The following NECTIN3 variants were observed in gnomAD, a reference collection of about 807,000 sequenced individuals.
NECTIN3 encodes the protein nectin cell adhesion molecule 3.
A neutral mutation model predicts 49.4 loss-of-function variants in NECTIN3; 8 were observed. The observed-to-expected ratio is 0.16, with a 90% CI of 0.10 to 0.29. NECTIN3 has a LOEUF of 0.29. NECTIN3 is among the 10% of genes least tolerant of loss of function. The pLI is 1.00. For synonymous variants in NECTIN3, 277 were observed against 241.1 expected, an observed-to-expected ratio of 1.15 and a Z score of -1.38; for missense variants, 581 against 654.6, an observed-to-expected ratio of 0.89 and a Z score of 1.23.
chr3:111,183,439 G>A (rs1172036143), intron 7 of NECTIN3, among the ~76,000 whole-genome samples: 2 of 151,748 alleles, frequency 1.3e-5, no homozygotes, highest in Non-Finnish European at 2.9e-5. Context: ...AGCCTCTCAA[G>A]TAGCTGGGGT....
intron 1 of NECTIN3, among the ~76,000 whole-genome samples, chr3:111,102,043 C>T (rs577429104): frequency 6.6e-6 from 1 of 152,132 alleles, no homozygotes; most frequent in African/African-American, 2.4e-5. Context: ...TGATACTGTC[C>T]CTTATAATTT....
rs570670978 is a variant in NECTIN3 at position 111,123,499 on chromosome 3, G to A, written c.917+1261G>A. On this transcript the variant is annotated intron_variant, in intron 4 of 5. Transcript: ENST00000485303. ...AGGTAGAGATGTGATTATTTTCCTG[G>A]AGAGGCTCCAGATACCACTAATAGA... 8.5e-5 allele frequency among the ~76,000 whole-genome samples: 13 copies of A among 152,198 alleles called. No individual in the cohort carries two copies. In the East Asian group the frequency reaches 9.7e-4, roughly 11 times the overall value.
intron 5 of NECTIN3, among the ~76,000 whole-genome samples, chr3:111,144,677 A>G (rs866973594): frequency 7.2e-5 from 11 of 152,018 alleles, no homozygotes; most frequent in African/African-American, 2.7e-4. Flanking sequence ...GGATATTTAC[A>G]TAATTTTTAA....
At chr3:111,075,651 T>G (rs1171796957) in intron 1 of NECTIN3, among the ~76,000 whole-genome samples, 2 of 152,184 alleles carry the variant, frequency 1.3e-5, no homozygotes, top group African/African-American at 2.4e-5. Context: ...GTATTTGTAC[T>G]TTACATCTAT....
intron 7 of NECTIN3, among the ~76,000 whole-genome samples, chr3:111,177,130 T>C (rs1559819844): frequency 6.6e-6 from 1 of 152,126 alleles, no homozygotes. Context: ...AGCTTTGAAA[T>C]TACTTATGGT....
intron 1 of NECTIN3, among the ~76,000 whole-genome samples, chr3:111,096,479 A>G (rs1364458440): frequency 6.6e-6 from 1 of 152,216 alleles, no homozygotes; most frequent in Non-Finnish European, 1.5e-5. Flanking sequence ...TGCATAAGTA[A>G]TGAGGAGCCA....
At chr3:111,169,236 C>A (rs1483100416) in intron 7 of NECTIN3, among the ~76,000 whole-genome samples, 3 of 151,436 alleles carry the variant, frequency 2.0e-5, no homozygotes, top group African/African-American at 7.3e-5. Context: ...ACTACAGGCG[C>A]CTGCCACCAC....
chr3:111,130,333 C>G (rs537256954), intron 5 of NECTIN3, among the ~76,000 whole-genome samples: 2 of 151,270 alleles, frequency 1.3e-5, no homozygotes, highest in African/African-American at 2.4e-5. Context: ...AGCATACTAT[C>G]CTGAGATTAG....
In NECTIN3 at chr3:111,137,111, A is replaced by C. The variant is rs2034606319; in HGVS notation, c.*2896A>C. On this transcript the variant is annotated 3_prime_UTR_variant, in exon 6 of 6. Coordinates refer to ENST00000485303, the MANE Select transcript of NECTIN3 (RefSeq NM_015480.3). ...AGGAGTACAGTGTATAAGTACAGAAATTGAGAGAAATGTAGTCATTTTATA... is the reference window on the plus strand; with the variant it reads ...AGGAGTACAGTGTATAAGTACAGAACTTGAGAGAAATGTAGTCATTTTATA... 1 of 979,768 alleles carries C rather than the reference A, an allele frequency of 1.0e-6. No homozygotes were observed. The highest frequency in any genetic ancestry group is 1.2e-6 in the Non-Finnish European group (1 of 824,930). 60.7% of individuals were successfully genotyped at this position (979,768 alleles called of 1,614,324 possible).
intron 1 of NECTIN3, among the ~76,000 whole-genome samples, chr3:111,082,636 T>C (rs1256024986): frequency 3.3e-5 from 5 of 152,130 alleles, no homozygotes; most frequent in African/African-American, 9.7e-5. Context: ...GTCTCCAACT[T>C]TTTTGGCACC....
intron 7 of NECTIN3, among the ~76,000 whole-genome samples, chr3:111,153,298 T>C (rs1306265595): frequency 6.6e-6 from 1 of 151,862 alleles, no homozygotes; most frequent in African/African-American, 2.4e-5. Flanking sequence ...TTGGATAAAA[T>C]AATGATTTAT....
intron 1 of NECTIN3, among the ~76,000 whole-genome samples, chr3:111,100,455 G>A (rs891674074): frequency 2.0e-5 from 3 of 152,070 alleles, no homozygotes; most frequent in Non-Finnish European, 4.4e-5. Flanking sequence ...CAAGCTATAT[G>A]TATAAGGTGT....
intron 1 of NECTIN3, chr3:111,193,484 C>G: frequency 8.0e-7 from 1 of 1,246,062 alleles, no homozygotes; most frequent in East Asian, 2.5e-5. Flanking sequence ...AAGAACAGTC[C>G]CACTCTAAGG....
chr3:111,175,183 T>C (rs1178551989), intron 7 of NECTIN3, among the ~76,000 whole-genome samples: 1 of 151,740 alleles, frequency 6.6e-6, no homozygotes, highest in African/African-American at 2.4e-5. Flanking sequence ...CCGCCATCCA[T>C]CTGCTTGTCC....
At chr3:111,090,848 G>A (rs2032224913) in intron 1 of NECTIN3, among the ~76,000 whole-genome samples, 2 of 140,312 alleles carry the variant, frequency 1.4e-5, no homozygotes, top group Non-Finnish European at 3.1e-5. Flanking sequence ...TGTGGTTTTT[G>A]TCATTAAAAC....
At chr3:111,177,476 G>A (rs2035552558) in intron 7 of NECTIN3, among the ~76,000 whole-genome samples, 1 of 152,070 alleles carries the variant, frequency 6.6e-6, no homozygotes, top group South Asian at 2.1e-4. Context: ...ATGATTTTTG[G>A]CATAGCTTCT....
At chr3:111,082,948 T>C (rs1459308656) in intron 1 of NECTIN3, among the ~76,000 whole-genome samples, 3 of 152,144 alleles carry the variant, frequency 2.0e-5, no homozygotes, top group African/African-American at 4.8e-5. Context: ...CAGTTCTCAG[T>C]AGGGTTCGTG....
chr3:111,190,734 A>G (rs776516194), upstream of NECTIN3, among the ~76,000 whole-genome samples: 15 of 152,222 alleles, frequency 9.9e-5, no homozygotes, highest in South Asian at 2.1e-4. Context: ...ACACATTGCA[A>G]TTAGGTTTCA....
rs193104048 is a variant in NECTIN3 at position 111,193,288 on chromosome 3, A to T, written c.63+875A>T. On this transcript the variant is annotated intron_variant, in intron 1 of 1. Transcript: ENST00000485506. ...CAGCAGATGTACCCCCTTTACAATC[A>T]AATGTGCTACCAAGACCGGAGCCCT... is the stretch of plus-strand genomic sequence containing the variant. The T allele has an allele frequency of 4.3e-3, 6,672 of 1,535,926 alleles. 21 individuals are homozygous for T. Among genetic ancestry groups the T allele is most frequent in the Non-Finnish European group, 5.3e-3 (6,076 of 1,146,764 alleles).
Sources: gnomAD v4.1 joint callset for allele counts (sites outside exome capture counted in the v4.1 genomes callset) on GRCh38, gnomAD v4.1.1 for gene constraint, MANE v1.5 for transcripts, NCBI Gene and HGNC (gene_info 2026-07-23, HGNC 2026-07-21) for gene names.